Variants in SOX5 observed in about 807,000 individuals in gnomAD.
SOX5 encodes transcription factor SOX-5.
A neutral mutation model predicts 92.0 loss-of-function variants in SOX5; 9 were observed. The ratio of observed to expected loss-of-function variants is 0.10; its 90% CI spans 0.06 to 0.17. The LOEUF is 0.17. Among genes scored for constraint, SOX5 ranks in the 10% least tolerant of loss-of-function variants. The pLI, the probability that SOX5 is intolerant of heterozygous loss-of-function variation, is 1.00. For synonymous variants in SOX5, 344 were observed against 336.3 expected (o/e 1.02, Z -0.25); for missense variants, 642 against 944.5 (o/e 0.68, Z 4.20).
intron 1 of SOX5, among the ~76,000 whole-genome samples, chr12:24,383,757 CT>C (rs1467470926): frequency 6.6e-6 from 1 of 152,168 alleles, no homozygotes; most frequent in Non-Finnish European, 1.5e-5. Context: ...TTTCCAAGGA[CT>C]GGTTGGGGGG....
At chr12:24,080,229 G>C (rs1228287384) in intron 4 of SOX5, among the ~76,000 whole-genome samples, 1 of 151,880 alleles carries the variant, frequency 6.6e-6, no homozygotes, top group East Asian at 1.9e-4. Context: ...GTGTATTTTA[G>C]TCAGAAACAG....
intron 9 of SOX5, among the ~76,000 whole-genome samples, chr12:23,598,574 A>AT (rs1952888175): frequency 1.3e-5 from 2 of 150,272 alleles, no homozygotes; most frequent in South Asian, 4.2e-4. Flanking sequence ...AATTTTTTGT[A>AT]TTTTTTAGTA....
chr12:23,791,411 C>T (rs1485483033), intron 3 of SOX5, among the ~76,000 whole-genome samples: 5 of 152,180 alleles, frequency 3.3e-5, no homozygotes, highest in African/African-American at 1.2e-4. Context: ...AAGGGATCCT[C>T]CTGCCTCAGC....
intron 4 of SOX5, among the ~76,000 whole-genome samples, chr12:23,966,663 A>G (rs1947623668): frequency 6.6e-6 from 1 of 152,188 alleles, no homozygotes; most frequent in Non-Finnish European, 1.5e-5. Flanking sequence ...CTAAGAACCT[A>G]GGTTCAAATT....
chr12:24,554,688 G>A (rs532182780), intron 1 of SOX5, among the ~76,000 whole-genome samples: 10 of 152,074 alleles, frequency 6.6e-5, no homozygotes, highest in Non-Finnish European at 1.2e-4. Flanking sequence ...CTAAGTGGGC[G>A]TCTTCTTGTA....
At chr12:24,083,521 T>C (rs930914299) in intron 4 of SOX5, among the ~76,000 whole-genome samples, 6 of 152,078 alleles carry the variant, frequency 3.9e-5, no homozygotes, top group African/African-American at 1.4e-4. Flanking sequence ...AATCACTCAC[T>C]GTGAAGCACT....
intron 3 of SOX5, among the ~76,000 whole-genome samples, chr12:24,273,893 TAA>T (rs1944095654): frequency 6.6e-6 from 1 of 152,200 alleles, no homozygotes; most frequent in Non-Finnish European, 1.5e-5. Flanking sequence ...TTGTTTAGTC[TAA>T]AAACTTTCTA....
intron 3 of SOX5, among the ~76,000 whole-genome samples, chr12:24,274,635 C>A (rs1343350803): frequency 6.8e-6 from 1 of 146,100 alleles, no homozygotes; most frequent in East Asian, 2.0e-4. Flanking sequence ...GTGTCTCTTA[C>A]AAGTTCAAAG....
chr12:24,280,516 A>C lies in SOX5; in HGVS notation c.-173-3204T>G, dbSNP rs548765984. Among the ~76,000 whole-genome samples the C allele has an allele frequency of 1.6e-4, 24 of 152,274 alleles. No individual in the cohort carries two copies. The South Asian group carries it at 5.0e-3, about 32-fold the overall frequency. On this transcript the variant is annotated intron_variant, in intron 2 of 4. Transcript: ENST00000446891. ...CTTTCACTTAATAGTGAATTCTATC[A>C]TGATTGAAAAAAACTGGATAAAAAT...
At position 24,551,711 on chromosome 12, in the gene SOX5, T is replaced by C. The variant is rs187087210; in HGVS notation, c.-251+10618A>G. Among the ~76,000 whole-genome samples the C allele has an allele frequency of 3.8e-3, 575 of 152,324 alleles. 4 individuals carry two copies. The highest frequency in any genetic ancestry group is 6.5e-3 in the Non-Finnish European group (442 of 68,036). ...ACCTTGGGTTAGTGTTTTTCATTGT[T>C]TATTTGTTTGTATAAAAGGCACTTT... On this transcript the variant is annotated intron_variant, in intron 1 of 4. Coordinates refer to the SOX5 transcript ENST00000446891.
chr12:23,563,951 G>T (rs1946645229), intron 10 of SOX5, among the ~76,000 whole-genome samples: 1 of 152,114 alleles, frequency 6.6e-6, no homozygotes, highest in African/African-American at 2.4e-5. Flanking sequence ...TCCATTTATG[G>T]TGAAATAAAC....
At chr12:23,708,004 G>A (rs973098010) in intron 6 of SOX5, among the ~76,000 whole-genome samples, 1 of 151,794 alleles carries the variant, frequency 6.6e-6, no homozygotes, top group African/African-American at 2.4e-5. Context: ...TCAAATATAT[G>A]GTGCGAAAAC....
intron 2 of SOX5, among the ~76,000 whole-genome samples, chr12:23,870,964 C>T (rs1476608387): frequency 1.3e-5 from 2 of 152,030 alleles, no homozygotes; most frequent in East Asian, 1.9e-4. Context: ...ATCCCGTTAT[C>T]CACCATGAAA....
chr12:24,371,705 G>T lies in SOX5; in HGVS notation c.-250-3066C>A, dbSNP rs1038608197. Among the ~76,000 whole-genome samples the T allele has an allele frequency of 4.6e-5, 7 of 152,154 alleles. No individual in the cohort carries two copies. The South Asian group carries it at 1.5e-3, about 32-fold the overall frequency. On this transcript the variant is annotated intron_variant, in intron 1 of 4. Coordinates refer to the SOX5 transcript ENST00000446891. The stretch of plus-strand genomic sequence containing the variant: ...TAAGTTGTATGTAAAGAGATCATTT[G>T]TGCCAGGCGTGGTGGCTCACACCTG...
intron 4 of SOX5, among the ~76,000 whole-genome samples, chr12:24,070,767 A>T (rs575614162): frequency 6.6e-6 from 1 of 152,320 alleles, no homozygotes; most frequent in South Asian, 2.1e-4. Context: ...TTAAGTGTAC[A>T]GCTCAAACAA....
intron 4 of SOX5, among the ~76,000 whole-genome samples, chr12:24,078,821 T>C (rs1387426580): frequency 6.6e-6 from 1 of 152,058 alleles, no homozygotes; most frequent in African/African-American, 2.4e-5. Context: ...ATTTCTAGAA[T>C]ATGTATCTTT....
intron 3 of SOX5, among the ~76,000 whole-genome samples, chr12:23,835,215 T>C (rs926746915): frequency 2.0e-5 from 3 of 151,842 alleles, no homozygotes; most frequent in African/African-American, 7.2e-5. Flanking sequence ...TGAAATGGTC[T>C]TTAAAACTAA....
At chr12:24,247,167 G>A (rs898337778) in intron 3 of SOX5, among the ~76,000 whole-genome samples, 1 of 152,076 alleles carries the variant, frequency 6.6e-6, no homozygotes, top group Non-Finnish European at 1.5e-5. Flanking sequence ...GCTGTGGGTA[G>A]GGACATCAAC....
chr12:23,585,158 G>C (rs1421114210), intron 9 of SOX5, among the ~76,000 whole-genome samples: 1 of 152,148 alleles, frequency 6.6e-6, no homozygotes, highest in African/African-American at 2.4e-5. Flanking sequence ...ATGTGATTTT[G>C]ACTTGTGAAT....
Sources: allele counts gnomAD v4.1 joint callset (sites outside exome capture counted in the v4.1 genomes callset), GRCh38; gene constraint gnomAD v4.1.1; transcripts MANE v1.5; gene names NCBI Gene and HGNC (gene_info 2026-07-23, HGNC 2026-07-21).